The following SAMD5 variants were observed in gnomAD, a reference collection of about 807,000 sequenced individuals.
SAMD5 encodes the protein sterile alpha motif domain-containing protein 5.
Under a neutral mutation model 11.3 loss-of-function variants are expected in SAMD5, and 13 were observed. The ratio of observed to expected loss-of-function variants is 1.15; its 90% confidence interval spans 0.75 to 1.83. SAMD5 has a LOEUF of 1.83. Among genes scored for constraint, SAMD5 ranks in the 40% most tolerant of loss-of-function variants. The pLI, the probability that SAMD5 is intolerant of heterozygous loss-of-function variation, is 0.00. For missense variants in SAMD5, 255 were observed against 239.1 expected, an observed-to-expected ratio of 1.07 and a Z score of -0.44; for synonymous variants, 129 against 111.3, an observed-to-expected ratio of 1.16 and a Z score of -1.00.
chr6:147,626,442 T>C lies in SAMD5; in HGVS notation c.163-110875T>C, dbSNP rs537527527. Among the ~76,000 whole-genome samples, 7 of 152,150 alleles carry C rather than the reference T, an allele frequency of 4.6e-5. No individual in the cohort carries two copies. In the South Asian group the frequency reaches 1.0e-3, roughly 23 times the overall value. On this transcript the variant is annotated intron_variant, in intron 1 of 1. Coordinates refer to the SAMD5 transcript ENST00000566741. ...AGTTTACTGGACATTTTCTGATCTA[T>C]GTTTTTGTAAATAATTGCCCCCATC...
At chr6:147,577,811 T>G (rs1789237925) in intron 1 of SAMD5, among the ~76,000 whole-genome samples, 2 of 151,546 alleles carry the variant, frequency 1.3e-5, no homozygotes, top group South Asian at 4.1e-4. Context: ...TTTATGTACT[T>G]TTGATGATAG....
Position 147,567,919 on chromosome 6 carries a change from TCAAAA to T in SAMD5, c.*3486_*3490del, listed in dbSNP as rs953050338. 2.5e-4 allele frequency: 243 copies of T among 986,080 alleles called. No homozygotes were observed. The highest frequency in any genetic ancestry group is 1.6e-3 in the African/African-American group (90 of 57,322). 61.1% of individuals were successfully genotyped at this position (986,080 alleles called of 1,614,324 possible). ...CTGGGCAACAGAGCAAGATCCCGTC[TCAAAA>T]CAAAACAAAACAAAACAAAACAGCA... is the stretch of plus-strand genomic sequence containing the variant. On this transcript the variant is annotated 3_prime_UTR_variant, in exon 2 of 2. Coordinates refer to ENST00000367474, the MANE Select transcript of SAMD5 (RefSeq NM_001030060.3).
chr6:147,659,570 T>C (rs1790618516), intron 1 of SAMD5, among the ~76,000 whole-genome samples: 1 of 152,126 alleles, frequency 6.6e-6, no homozygotes, highest in African/African-American at 2.4e-5. Context: ...TTCTTAGACG[T>C]GATTAGGAAA....
chr6:147,938,096 C>T, the SAMD5 span, among the ~76,000 whole-genome samples: 3 of 152,118 alleles, frequency 2.0e-5, no homozygotes, highest in African/African-American at 7.2e-5. Flanking sequence ...TTGTGTTCAA[C>T]TTCTAGGAGA....
chr6:147,723,845 G>A (rs1054245938), intron 1 of SAMD5, among the ~76,000 whole-genome samples: 4 of 152,152 alleles, frequency 2.6e-5, no homozygotes, highest in African/African-American at 9.7e-5. Flanking sequence ...TCCAGAAAAT[G>A]TATAATTTTG....
chr6:147,526,223 T>C (rs1401052891), intron 1 of SAMD5, among the ~76,000 whole-genome samples: 3 of 152,236 alleles, frequency 2.0e-5, no homozygotes, highest in Non-Finnish European at 4.4e-5. Flanking sequence ...GAGTTTCATA[T>C]TTGTGTTTAA....
chr6:147,519,773 G>A (rs576505029), intron 1 of SAMD5, among the ~76,000 whole-genome samples: 4 of 152,280 alleles, frequency 2.6e-5, no homozygotes, highest in Non-Finnish European at 4.4e-5. Flanking sequence ...TAAAGGACAC[G>A]TAAGATGCTA....
intron 1 of SAMD5, among the ~76,000 whole-genome samples, chr6:147,652,513 G>T (rs1790500347): frequency 6.6e-6 from 1 of 152,130 alleles, no homozygotes; most frequent in Admixed American, 6.5e-5. Context: ...GAGGCTCCCT[G>T]GTTCAGTAGC....
At chr6:147,874,059 G>A in the SAMD5 span, among the ~76,000 whole-genome samples, 2 of 152,144 alleles carry the variant, frequency 1.3e-5, no homozygotes, top group Non-Finnish European at 2.9e-5. Context: ...ATCTGTCTCA[G>A]CTACTGTCTG....
the SAMD5 span, among the ~76,000 whole-genome samples, chr6:147,875,761 G>T: frequency 6.6e-6 from 1 of 152,084 alleles, no homozygotes; most frequent in African/African-American, 2.4e-5. Flanking sequence ...GATCTAGGTT[G>T]CACGTTCCTT....
chr6:147,859,085 C>A, the SAMD5 span, among the ~76,000 whole-genome samples: 2 of 152,180 alleles, frequency 1.3e-5, no homozygotes, highest in Non-Finnish European at 2.9e-5. Context: ...GACTTGGGAG[C>A]AAAGACCTTT....
the SAMD5 span, among the ~76,000 whole-genome samples, chr6:147,780,126 T>C: frequency 1.1e-4 from 17 of 152,302 alleles, no homozygotes; most frequent in Admixed American, 2.0e-4. Flanking sequence ...TTTTGTCTCA[T>C]TCAATTTTAT....
At chr6:147,727,710 G>A (rs557061873) in intron 1 of SAMD5, among the ~76,000 whole-genome samples, 1 of 151,694 alleles carries the variant, frequency 6.6e-6, no homozygotes, top group South Asian at 2.1e-4. Flanking sequence ...ACCCACCAGA[G>A]TCCCAAGGTG....
At chr6:147,815,299 T>G in the SAMD5 span, among the ~76,000 whole-genome samples, 1 of 152,210 alleles carries the variant, frequency 6.6e-6, no homozygotes, top group East Asian at 1.9e-4. Context: ...AAACATGAAT[T>G]GCACATTCTA....
At position 147,566,959 on chromosome 6, in the gene SAMD5, G is replaced by A. The variant is rs1406463592; in HGVS notation, c.*2503G>A. On this transcript the variant is annotated 3_prime_UTR_variant, in exon 2 of 2. Coordinates refer to ENST00000367474, the MANE Select transcript of SAMD5 (RefSeq NM_001030060.3). ...AACACCAATAATATACTTAATTTTT[G>A]AATATAAAAGAAGTAGCAATTGACT... The A allele has an allele frequency of 4.0e-5, 34 of 850,982 alleles. No homozygotes were observed. The highest frequency in any genetic ancestry group is 4.7e-5 in the Non-Finnish European group (33 of 708,036). The allele number at this position is 850,982 out of a possible 1,614,324, so 52.7% of individuals were successfully genotyped here.
At chr6:147,927,082 G>A in the SAMD5 span, among the ~76,000 whole-genome samples, 81 of 152,002 alleles carry the variant, frequency 5.3e-4, 1 homozygote, top group South Asian at 0.017. Context: ...TAGTATAGTT[G>A]GAAGTTGGGT....
At chr6:147,839,506 TG>T in the SAMD5 span, among the ~76,000 whole-genome samples, 3 of 152,118 alleles carry the variant, frequency 2.0e-5, no homozygotes, top group Non-Finnish European at 4.4e-5. Context: ...CCCAGCATTT[TG>T]GGGGGGCTGA....
chr6:147,677,027 C>T (rs1389774878), intron 1 of SAMD5, among the ~76,000 whole-genome samples: 1 of 152,038 alleles, frequency 6.6e-6, no homozygotes, highest in Non-Finnish European at 1.5e-5. Context: ...TAAAGAAAGA[C>T]AGTGGCTCTT....
At position 147,564,704 on chromosome 6, in the gene SAMD5, T is replaced by TA; in HGVS notation, c.*249dup. ...TATTGAGTTCATTTTTTTAAGAAGA[T>TA]ATCATGATGAGATACAGTCTTATGC... is the stretch of plus-strand genomic sequence containing the variant. On this transcript the variant is annotated 3_prime_UTR_variant, in exon 2 of 2. Transcript: ENST00000367474. 1 of 1,211,406 alleles carries TA rather than the reference T, an allele frequency of 8.3e-7. No homozygotes were observed. The highest frequency in any genetic ancestry group is 2.2e-5 in the South Asian group (1 of 46,078). 75.0% of individuals were successfully genotyped at this position (1,211,406 alleles called of 1,614,324 possible).
Sources: allele counts gnomAD v4.1 joint callset (sites outside exome capture counted in the v4.1 genomes callset), GRCh38; gene constraint gnomAD v4.1.1; transcripts MANE v1.5; gene names NCBI Gene and HGNC (gene_info 2026-07-23, HGNC 2026-07-21).